The following HS6ST3 variants were observed in gnomAD, a reference collection of about 807,000 sequenced individuals.
The protein encoded by HS6ST3 is heparan-sulfate 6-O-sulfotransferase 3.
A neutral mutation model predicts 36.7 loss-of-function variants in HS6ST3; 12 were observed. The ratio of observed to expected loss-of-function variants is 0.33; its 90% confidence interval spans 0.21 to 0.53. The LOEUF (loss-of-function observed/expected upper bound fraction) is 0.53, where lower values mean the gene tolerates loss of function less well. Among genes scored for constraint, HS6ST3 ranks in the 20% least tolerant of loss-of-function variants. HS6ST3 has a pLI of 0.95. For missense variants in HS6ST3, 584 were observed against 640.9 expected, an observed-to-expected ratio of 0.91 and a Z score of 0.96; for synonymous variants, 240 against 257.5, an observed-to-expected ratio of 0.93 and a Z score of 0.65.
chr13:96,507,517 A>G (rs2056031309), intron 1 of HS6ST3, among the ~76,000 whole-genome samples: 2 of 152,068 alleles, frequency 1.3e-5, no homozygotes, highest in African/African-American at 4.8e-5. Context: ...GTTTTCTGCA[A>G]TTAATATAAG....
intron 1 of HS6ST3, among the ~76,000 whole-genome samples, chr13:96,274,887 A>G (rs978991875): frequency 1.5e-5 from 2 of 135,256 alleles, no homozygotes; most frequent in Non-Finnish European, 3.3e-5. Context: ...ACACACACAC[A>G]CACACACTGA....
At chr13:96,500,105 C>G (rs561707478) in intron 1 of HS6ST3, among the ~76,000 whole-genome samples, 14 of 152,200 alleles carry the variant, frequency 9.2e-5, no homozygotes, top group African/African-American at 3.4e-4. Flanking sequence ...CCTCCTTCCT[C>G]TGGCAACCAC....
At chr13:96,476,393 T>G (rs2055864009) in intron 1 of HS6ST3, among the ~76,000 whole-genome samples, 1 of 152,054 alleles carries the variant, frequency 6.6e-6, no homozygotes, top group Non-Finnish European at 1.5e-5. Context: ...GATGGAGTCT[T>G]CCTCTGTCAC....
chr13:96,476,739 G>A (rs988192439), intron 1 of HS6ST3, among the ~76,000 whole-genome samples: 11 of 152,110 alleles, frequency 7.2e-5, no homozygotes, highest in African/African-American at 2.2e-4. Flanking sequence ...ATCTATTTGG[G>A]GTGTAGTGCC....
At chr13:96,425,132 C>A (rs1361925474) in intron 1 of HS6ST3, among the ~76,000 whole-genome samples, 7 of 152,156 alleles carry the variant, frequency 4.6e-5, no homozygotes, top group Admixed American at 2.6e-4. Context: ...ATGCATGTAA[C>A]TAAAGGCAAA....
chr13:96,435,184 A>G (rs1186802086), intron 1 of HS6ST3, among the ~76,000 whole-genome samples: 1 of 152,226 alleles, frequency 6.6e-6, no homozygotes, highest in African/African-American at 2.4e-5. Flanking sequence ...GTGGTTTCAA[A>G]GACAGTTTTG....
intron 1 of HS6ST3, among the ~76,000 whole-genome samples, chr13:96,291,634 T>G (rs916335980): frequency 6.6e-6 from 1 of 152,170 alleles, no homozygotes; most frequent in Non-Finnish European, 1.5e-5. Context: ...ACAATTATTC[T>G]CAGAAGATAA....
intron 1 of HS6ST3, among the ~76,000 whole-genome samples, chr13:96,544,660 A>G (rs577254153): frequency 6.6e-6 from 1 of 152,312 alleles, no homozygotes; most frequent in East Asian, 1.9e-4. Context: ...CACAGTATGG[A>G]AAAATTCAAA....
intron 1 of HS6ST3, among the ~76,000 whole-genome samples, chr13:96,150,693 C>T (rs1267299984): frequency 3.3e-5 from 5 of 152,060 alleles, no homozygotes; most frequent in Non-Finnish European, 7.4e-5. Context: ...ATTCCTGTCG[C>T]CGTAGGTCCC....
intron 1 of HS6ST3, among the ~76,000 whole-genome samples, chr13:96,468,477 T>TACACAC (rs3051066): frequency 3.2e-5 from 4 of 126,292 alleles, no homozygotes; most frequent in Admixed American, 9.1e-5. Context: ...CATACACACA[T>TACACAC]ACACACACAC....
intron 1 of HS6ST3, among the ~76,000 whole-genome samples, chr13:96,797,321 C>T (rs1041235698): frequency 6.6e-6 from 1 of 152,032 alleles, no homozygotes; most frequent in African/African-American, 2.4e-5. Context: ...AAACGGGGTC[C>T]TGCTCAGAGT....
intron 1 of HS6ST3, among the ~76,000 whole-genome samples, chr13:96,118,676 A>T (rs1594682824): frequency 4.6e-5 from 1 of 21,674 alleles, no homozygotes; most frequent in Non-Finnish European, 7.4e-5. Context: ...ATATATATAT[A>T]TATATATATA....
chr13:96,131,518 A>G (rs951808700), intron 1 of HS6ST3, among the ~76,000 whole-genome samples: 4 of 152,208 alleles, frequency 2.6e-5, no homozygotes, highest in Non-Finnish European at 4.4e-5. Context: ...TCTAATTAAC[A>G]TTATGTATTA....
chr13:96,499,860 G>A (rs1000952063), intron 1 of HS6ST3, among the ~76,000 whole-genome samples: 5 of 152,148 alleles, frequency 3.3e-5, no homozygotes, highest in South Asian at 2.1e-4. Context: ...CTGGGGAGCC[G>A]TTGGTCTGCT....
At chr13:96,812,098 C>T (rs1273053478) in intron 1 of HS6ST3, among the ~76,000 whole-genome samples, 2 of 152,174 alleles carry the variant, frequency 1.3e-5, no homozygotes, top group African/African-American at 4.8e-5. Context: ...GGCATCCCAA[C>T]CTTGCACTAG....
chr13:96,592,315 C>G (rs1468389809), intron 1 of HS6ST3, among the ~76,000 whole-genome samples: 1 of 152,136 alleles, frequency 6.6e-6, no homozygotes, highest in African/African-American at 2.4e-5. Flanking sequence ...CATCCCTTCT[C>G]TTGCTTTTTA....
intron 1 of HS6ST3, among the ~76,000 whole-genome samples, chr13:96,411,867 C>G (rs56076859): frequency 1.3e-5 from 2 of 151,888 alleles, no homozygotes; most frequent in African/African-American, 4.8e-5. Flanking sequence ...AGGAAGAAAT[C>G]TATAATGACT....
chr13:96,248,669 G>T (rs1446550594), intron 1 of HS6ST3, among the ~76,000 whole-genome samples: 1 of 152,116 alleles, frequency 6.6e-6, no homozygotes, highest in Admixed American at 6.6e-5. Flanking sequence ...TGTTTACAGT[G>T]ATTTTATTCA....
intron 1 of HS6ST3, among the ~76,000 whole-genome samples, chr13:96,412,730 T>C (rs2055513941): frequency 1.3e-5 from 2 of 151,948 alleles, no homozygotes; most frequent in South Asian, 2.1e-4. Flanking sequence ...TTGTAGGCGC[T>C]CAGTAGAAAC....
Sources: gnomAD v4.1 joint callset for allele counts (sites outside exome capture counted in the v4.1 genomes callset) on GRCh38, gnomAD v4.1.1 for gene constraint, MANE v1.5 for transcripts, NCBI Gene and HGNC (gene_info 2026-07-23, HGNC 2026-07-21) for gene names.